IL17RE: variants seen among roughly 807,000 people sequenced by gnomAD.
IL17RE encodes interleukin-17 receptor E.
In IL17RE, 47 loss-of-function variants were observed where a neutral mutation model predicts 70.7. The observed-to-expected ratio is 0.67, with a 90% confidence interval of 0.53 to 0.85. The LOEUF (loss-of-function observed/expected upper bound fraction) is 0.85. Ranked by LOEUF, IL17RE falls within the 40% of genes least tolerant of loss-of-function variation. IL17RE has a pLI of 0.00. For synonymous variants in IL17RE, 372 were observed against 381.2 expected, an observed-to-expected ratio of 0.98 and a Z score of 0.28; for missense variants, 850 against 893.9, an observed-to-expected ratio of 0.95 and a Z score of 0.63.
Position 9,911,574 on chromosome 3 carries a change from C to A in IL17RE, c.1204C>A (p.Pro402Thr), listed in dbSNP as rs9870003. Residue 402 changes from proline to threonine, a missense_variant, in exon 12 of 16, where the codon CCC (proline) becomes ACC (threonine). By Grantham distance (38) the Pro-to-Thr change is conservative (BLOSUM62 -1). Coordinates refer to ENST00000383814, the MANE Select transcript of IL17RE (RefSeq NM_153480.2). Reference protein sequence around the residue: ...LPGLGQDTLVPPVYTVSQARG... With the variant: ...LPGLGQDTLVTPVYTVSQARG... ...AGGCTTGGGGCAGGACACTTTGGTG[C>A]CCCCCGTGTACACTGTCAGCCAGGT... The A allele has an allele frequency of 1.2e-6, 2 of 1,613,822 alleles. No homozygotes were observed. Among genetic ancestry groups the A allele is most frequent in the South Asian group, 2.2e-5 (2 of 91,078 alleles).
intron 3 of IL17RE, among the ~76,000 whole-genome samples, chr3:9,905,531 A>G (rs576014761): frequency 1.7e-4 from 26 of 150,370 alleles, no homozygotes; most frequent in African/African-American, 5.9e-4. Context: ...GAAAAGAGAG[A>G]GAGGCAGGGA....
intron 13 of IL17RE, 37 bp from the exon 14 acceptor site, chr3:9,914,511 G>T (rs2125094863): frequency 1.9e-6 from 3 of 1,612,226 alleles, no homozygotes; most frequent in South Asian, 1.1e-5. Context: ...AGGAGAAGAT[G>T]CCTGGCTCAT....
intron 2 of IL17RE, among the ~76,000 whole-genome samples, chr3:9,903,675 C>T (rs2082687878): frequency 1.3e-5 from 2 of 152,146 alleles, no homozygotes; most frequent in Admixed American, 6.5e-5. Flanking sequence ...ACACTAAAGG[C>T]AGTGTTGCTT....
At chr3:9,908,346 C>T in intron 7 of IL17RE, 39 bp downstream of exon 7, 1 of 1,564,462 alleles carries the variant, frequency 6.4e-7, no homozygotes, top group African/African-American at 1.4e-5. Context: ...CATGGCTCTG[C>T]TCCTAAGCCC....
At chr3:9,905,827 T>TA (rs972942160) in intron 3 of IL17RE, among the ~76,000 whole-genome samples, 1 of 151,546 alleles carries the variant, frequency 6.6e-6, no homozygotes, top group Non-Finnish European at 1.5e-5. Flanking sequence ...CTCCAAAAAA[T>TA]AAAAATTAAA....
At chr3:9,905,647 C>G (rs373624352) in intron 3 of IL17RE, among the ~76,000 whole-genome samples, 1 of 151,980 alleles carries the variant, frequency 6.6e-6, no homozygotes, top group Non-Finnish European at 1.5e-5. Flanking sequence ...GGTGAAACCC[C>G]GTCTCTACTA....
chr3:9,905,719 C>T (rs901574544), intron 3 of IL17RE, among the ~76,000 whole-genome samples: 2 of 152,062 alleles, frequency 1.3e-5, no homozygotes, highest in African/African-American at 4.8e-5. Context: ...ACTCTGGGGG[C>T]TGAGGCAGGA....
rs767930689 is a variant in IL17RE at position 9,911,518 on chromosome 3, A to C, written c.1148A>C (p.His383Pro). ...QLILHFSSRMHATFSAAWSLP... is the reference protein window; with the variant it reads ...QLILHFSSRMPATFSAAWSLP... ...ATTCTTCACTTCTCCTCAAGAATGC[A>C]TGCCACCTTCAGTGCTGCCTGGAGC... The change falls in exon 12 of 16, where the codon CAT becomes CCT. Residue 383 changes from histidine (H) to proline (P), a missense_variant. Physicochemically the swap from His to Pro is moderately conservative, Grantham distance 77. Transcript: ENST00000383814. 1.9e-6 allele frequency: 3 copies of C among 1,614,062 alleles called. No homozygotes were observed. Among genetic ancestry groups the C allele is most frequent in the Non-Finnish European group, 2.5e-6 (3 of 1,180,054 alleles).
chr3:9,914,388 C>T, intron 13 of IL17RE, 160 bp from the exon 14 acceptor site: 1 of 1,497,038 alleles, frequency 6.7e-7, no homozygotes, highest in Admixed American at 2.4e-5. Flanking sequence ...CACCATTGAC[C>T]TGTTCTGTGC....
chr3:9,904,113 C>T lies in IL17RE; in HGVS notation c.230C>T (p.Ser77Phe), dbSNP rs2082698392. ...TGGTGTGTGCGAGTCTGGCACTGTT[C>T]CCGCTGTTTGTGCCAGCATCTGCTG... Reference protein sequence around the residue: ...KPWCVRVWHCSRCLCQHLLSG... With the variant: ...KPWCVRVWHCFRCLCQHLLSG... Residue 77 changes from serine (S) to phenylalanine (F), a missense_variant, in exon 3 of 16, where the codon TCC becomes TTC. Ser to Phe is a radical substitution (Grantham distance 155). Transcript: ENST00000383814. 4.3e-6 allele frequency: 7 copies of T among 1,614,184 alleles called. No individual in the cohort carries two copies. Among genetic ancestry groups the T allele is most frequent in the Non-Finnish European group, 5.9e-6 (7 of 1,180,024 alleles).
rs781637773 is a variant in IL17RE, at chr3:9,904,107, A to G, written c.224A>G (p.His75Arg). The part of the protein sequence containing the change: ...STKPWCVRVW[H>R]CSRCLCQHLL... ...AAGCCTTGGTGTGTGCGAGTCTGGC[A>G]CTGTTCCCGCTGTTTGTGCCAGCAT... Residue 75 changes from histidine (H) to arginine (R), a missense_variant, in exon 3 of 16, where the codon CAC (histidine) becomes CGC (arginine). By Grantham distance (29) the His-to-Arg change is conservative. Coordinates refer to ENST00000383814, the MANE Select transcript of IL17RE (RefSeq NM_153480.2). 9 of 1,614,184 alleles carry G rather than the reference A, an allele frequency of 5.6e-6. No homozygotes were observed. The South Asian group carries it at 8.8e-5, about 16-fold the overall frequency.
At chr3:9,906,892 G>T in intron 5 of IL17RE, 27 bp downstream of exon 5, 1 of 1,614,144 alleles carries the variant, frequency 6.2e-7, no homozygotes, top group Non-Finnish European at 8.5e-7. Flanking sequence ...ACAGGAGATG[G>T]GTTCAGCTGA....
At chr3:9,913,327 C>G (rs767138208) in intron 12 of IL17RE, among the ~76,000 whole-genome samples, 1 of 151,922 alleles carries the variant, frequency 6.6e-6, no homozygotes, top group Non-Finnish European at 1.5e-5. Flanking sequence ...TAGCTTGAAC[C>G]CAGGAGGTGG....
At chr3:9,914,351 T>C in intron 13 of IL17RE, 197 bp from the exon 14 acceptor site, 1 of 1,416,136 alleles carries the variant, frequency 7.1e-7, no homozygotes, top group Middle Eastern at 1.8e-4. Flanking sequence ...ACTTTTTGAG[T>C]TTGGCCCCTG....
intron 1 of IL17RE, 151 bp from the exon 2 acceptor site, chr3:9,903,246 C>A: frequency 2.0e-6 from 2 of 1,019,324 alleles, no homozygotes; most frequent in South Asian, 1.5e-5. Flanking sequence ...CAGGGTGGAG[C>A]TGGGAAGATA....
upstream of IL17RE, among the ~76,000 whole-genome samples, chr3:9,902,272 T>A (rs2082658566): frequency 6.6e-6 from 1 of 152,166 alleles, no homozygotes. Flanking sequence ...TAGTGGGTCC[T>A]TGAAGCTAGA....
At chr3:9,903,466 A>T in intron 2 of IL17RE, 54 bp downstream of exon 2, 7 of 1,593,178 alleles carry the variant, frequency 4.4e-6, no homozygotes, top group South Asian at 2.2e-5. Flanking sequence ...ATTTTTGCAG[A>T]TGCCTAGCAA....
chr3:9,908,750 T>C (rs974700207), intron 7 of IL17RE, among the ~76,000 whole-genome samples: 1 of 152,200 alleles, frequency 6.6e-6, no homozygotes, highest in Admixed American at 6.5e-5. Context: ...AAGTTTTCTT[T>C]GGACTAGACA....
chr3:9,915,721 C>T lies in IL17RE; in HGVS notation c.1918C>T (p.Leu640Phe). ...PFAEATSWGR[L>F]GARQRRQSRL... ...CGCAGAGGCCACCAGCTGGGGCCGC[C>T]TTGGGGCGCGGCAGCGCAGGCAGAG... The change falls in exon 16 of 16, where the codon CTT becomes TTT. Residue 640 changes from leucine to phenylalanine, a missense_variant. Leu to Phe is a conservative substitution (Grantham distance 22, BLOSUM62 0). Coordinates refer to ENST00000383814, the MANE Select transcript of IL17RE (RefSeq NM_153480.2). This position sits in a 1 kb window ranked among gnomAD's most constrained non-coding sequence, Gnocchi z 4.9. 1.3e-5 allele frequency: 18 copies of T among 1,434,880 alleles called. No homozygotes were observed. The highest frequency in any genetic ancestry group is 1.6e-5 in the Non-Finnish European group (18 of 1,107,178). The allele number at this position is 1,434,880 out of a possible 1,614,324, so 88.9% of individuals were successfully genotyped here.
Sources: gnomAD v4.1 joint callset for allele counts (sites outside exome capture counted in the v4.1 genomes callset) on GRCh38, gnomAD v4.1.1 for gene constraint, Gnocchi (gnomAD v3.1) non-coding constraint, MANE v1.5 for transcripts, NCBI Gene and HGNC (gene_info 2026-07-23, HGNC 2026-07-21) for gene names.